Variants in DAB1 observed in about 807,000 individuals in gnomAD.
The protein encoded by DAB1 is DAB adaptor protein 1.
DAB1 carries 15 observed loss-of-function variants against 64.6 expected under a neutral mutation model. The ratio of observed to expected loss-of-function variants is 0.23; its 90% CI spans 0.16 to 0.36. The LOEUF is 0.36. DAB1 is among the 10% of genes least tolerant of loss of function. The pLI, the probability that DAB1 is intolerant of heterozygous loss-of-function variation, is 1.00. For missense variants in DAB1, 596 were observed against 706.7 expected (o/e 0.84, Z 1.78); for synonymous variants, 235 against 251.9 (o/e 0.93, Z 0.64).
chr1:58,381,785 A>C (rs541149122), intron 3 of DAB1, among the ~76,000 whole-genome samples: 1 of 152,326 alleles, frequency 6.6e-6, no homozygotes, highest in East Asian at 1.9e-4. Context: ...TGGAGATGCT[A>C]AGTGGGCAGT....
intron 6 of DAB1, among the ~76,000 whole-genome samples, chr1:57,796,930 T>C (rs1202942005): frequency 6.6e-6 from 1 of 152,222 alleles, no homozygotes; most frequent in Non-Finnish European, 1.5e-5. Context: ...TGATGTTCTC[T>C]GCCTGGGGAG....
At chr1:57,847,503 CA>C (rs1653342798) in intron 1 of DAB1, among the ~76,000 whole-genome samples, 1 of 151,714 alleles carries the variant, frequency 6.6e-6, no homozygotes, top group Non-Finnish European at 1.5e-5. Flanking sequence ...ATGCTGCTTA[CA>C]AAAGACAAAC....
chr1:57,910,582 CA>C (rs1360895835), intron 5 of DAB1, among the ~76,000 whole-genome samples: 4 of 152,240 alleles, frequency 2.6e-5, no homozygotes, highest in East Asian at 1.9e-4. Flanking sequence ...AGGGAAAGGT[CA>C]GGGGGAAGTT....
chr1:58,437,482 C>T (rs1044614584), intron 3 of DAB1, among the ~76,000 whole-genome samples: 2 of 152,096 alleles, frequency 1.3e-5, no homozygotes, highest in African/African-American at 2.4e-5. Flanking sequence ...AACCATGCTG[C>T]GGAATATAGT....
At chr1:57,493,065 C>A (rs1644184353) in intron 7 of DAB1, among the ~76,000 whole-genome samples, 1 of 152,064 alleles carries the variant, frequency 6.6e-6, no homozygotes, top group Non-Finnish European at 1.5e-5. Flanking sequence ...AGCAGCCCGC[C>A]TCCCCCATGG....
At chr1:57,190,110 G>A (rs926276100) in intron 2 of DAB1, among the ~76,000 whole-genome samples, 1 of 152,114 alleles carries the variant, frequency 6.6e-6, no homozygotes, top group African/African-American at 2.4e-5. Context: ...TCACCTGGAG[G>A]GCTTGTTAAG....
intron 1 of DAB1, among the ~76,000 whole-genome samples, chr1:57,347,661 G>C (rs997879120): frequency 2.6e-5 from 4 of 152,070 alleles, no homozygotes; most frequent in Admixed American, 2.0e-4. Flanking sequence ...GAGATGTTTT[G>C]TTGTCCAAGC....
intron 5 of DAB1, among the ~76,000 whole-genome samples, chr1:57,914,233 G>A (rs1388193547): frequency 6.6e-6 from 1 of 152,034 alleles, no homozygotes; most frequent in African/African-American, 2.4e-5. Context: ...AAGAAAATGT[G>A]GCACATATAC....
At chr1:58,030,954 A>T (rs1404751578) in intron 5 of DAB1, among the ~76,000 whole-genome samples, 1 of 152,338 alleles carries the variant, frequency 6.6e-6, no homozygotes, top group East Asian at 1.9e-4. Flanking sequence ...AAAGGTGTGG[A>T]TAAAATGTTA....
intron 6 of DAB1, among the ~76,000 whole-genome samples, chr1:57,674,355 C>G (rs546590878): frequency 6.6e-6 from 1 of 152,292 alleles, no homozygotes; most frequent in Admixed American, 6.5e-5. Flanking sequence ...GGCCTCGTAA[C>G]TGACTTAAAT....
At chr1:57,991,871 G>C (rs981173733) in intron 5 of DAB1, among the ~76,000 whole-genome samples, 1 of 48,804 alleles carries the variant, frequency 2.0e-5, no homozygotes, top group African/African-American at 6.2e-5. Flanking sequence ...AAAAAAAAAG[G>C]AGTAGGCCAG....
chr1:57,819,024 C>T (rs1264032138), intron 6 of DAB1, among the ~76,000 whole-genome samples: 2 of 152,078 alleles, frequency 1.3e-5, no homozygotes, highest in East Asian at 1.9e-4. Flanking sequence ...TCTCTAGTTA[C>T]TATATTCTCT....
intron 3 of DAB1, among the ~76,000 whole-genome samples, chr1:58,497,214 G>A (rs1346518667): frequency 1.3e-5 from 2 of 151,798 alleles, no homozygotes; most frequent in Non-Finnish European, 2.9e-5. Flanking sequence ...TCAATGACAA[G>A]TTTTAAAACA....
intron 7 of DAB1, among the ~76,000 whole-genome samples, chr1:57,614,317 C>A (rs1294288973): frequency 6.6e-6 from 1 of 152,264 alleles, no homozygotes; most frequent in African/African-American, 2.4e-5. Context: ...CATCTATGAA[C>A]AGAACCTGGC....
intron 9 of DAB1, among the ~76,000 whole-genome samples, chr1:57,035,619 G>T (rs1647116265): frequency 6.6e-6 from 1 of 152,144 alleles, no homozygotes; most frequent in Non-Finnish European, 1.5e-5. Flanking sequence ...GGCCATGGAT[G>T]TGCTGGCCAT....
chr1:57,058,145 TG>T (rs771415834), intron 9 of DAB1, among the ~76,000 whole-genome samples: 19 of 152,092 alleles, frequency 1.2e-4, no homozygotes, highest in Non-Finnish European at 2.8e-4. Flanking sequence ...TGAATGCAGG[TG>T]CGTGAGTGTG....
At chr1:57,199,215 G>A (rs2100261076) in intron 2 of DAB1, among the ~76,000 whole-genome samples, 1 of 152,248 alleles carries the variant, frequency 6.6e-6, no homozygotes, top group South Asian at 2.1e-4. Flanking sequence ...TAAAAGAATA[G>A]GGTTCCTGCA....
chr1:58,176,865 G>T (rs1162292365), intron 4 of DAB1, among the ~76,000 whole-genome samples: 1 of 151,992 alleles, frequency 6.6e-6, no homozygotes, highest in African/African-American at 2.4e-5. Flanking sequence ...TCTAGTCCCA[G>T]CTACTTGGGA....
At chr1:58,334,606 T>C (rs1452139947) in intron 4 of DAB1, among the ~76,000 whole-genome samples, 1 of 54,974 alleles carries the variant, frequency 1.8e-5, no homozygotes, top group Non-Finnish European at 3.1e-5. Context: ...TATATTACAT[T>C]ATATTATATT....
Sources: gnomAD v4.1 joint callset for allele counts (sites outside exome capture counted in the v4.1 genomes callset) on GRCh38, gnomAD v4.1.1 for gene constraint, MANE v1.5 for transcripts, NCBI Gene and HGNC (gene_info 2026-07-23, HGNC 2026-07-21) for gene names.